Variants in PDE10A observed in about 807,000 individuals in gnomAD.
PDE10A encodes the protein phosphodiesterase 10A.
Under a neutral mutation model 97.7 loss-of-function variants are expected in PDE10A, and 39 were observed. The observed-to-expected ratio is 0.40, with a 90% CI of 0.31 to 0.52. The LOEUF (loss-of-function observed/expected upper bound fraction) is 0.52, where lower values mean the gene tolerates loss of function less well. Among genes scored for constraint, PDE10A ranks in the 20% least tolerant of loss-of-function variants. The probability of loss-of-function intolerance (pLI) is 0.56; values close to 1 mark genes in which losing one functional copy is unlikely to be tolerated. For synonymous variants in PDE10A, 371 were observed against 376.8 expected, an observed-to-expected ratio of 0.98 and a Z score of 0.18; for missense variants, 731 against 1,047.8, an observed-to-expected ratio of 0.70 and a Z score of 4.17.
At chr6:165,641,072 G>A (rs1789107332) in intron 1 of PDE10A, among the ~76,000 whole-genome samples, 1 of 152,188 alleles carries the variant, frequency 6.6e-6, no homozygotes, top group African/African-American at 2.4e-5. Context: ...CAACATGGCT[G>A]TCTGCTTCAC....
intron 1 of PDE10A, among the ~76,000 whole-genome samples, chr6:165,832,513 T>C (rs914947760): frequency 1.8e-4 from 27 of 152,138 alleles, no homozygotes; most frequent in Admixed American, 1.6e-3. Context: ...TGGAAGCACA[T>C]TTGTCAGGAG....
intron 1 of PDE10A, among the ~76,000 whole-genome samples, chr6:165,980,193 C>A (rs1784970761): frequency 6.6e-6 from 1 of 152,192 alleles, no homozygotes; most frequent in African/African-American, 2.4e-5. Flanking sequence ...TACCAAATAT[C>A]CCAACTTGGG....
chr6:165,867,139 T>C (rs1312264560), intron 1 of PDE10A, among the ~76,000 whole-genome samples: 1 of 150,468 alleles, frequency 6.6e-6, no homozygotes, highest in African/African-American at 2.4e-5. Flanking sequence ...CAGAAAATAA[T>C]TAAGAAAGTG....
chr6:165,771,195 C>T (rs989863566), intron 1 of PDE10A, among the ~76,000 whole-genome samples: 6 of 152,184 alleles, frequency 3.9e-5, no homozygotes, highest in East Asian at 1.9e-4. Context: ...GAGAGCCTAC[C>T]GTGGGCGCTA....
At chr6:165,652,086 A>G (rs970443588) in intron 1 of PDE10A, among the ~76,000 whole-genome samples, 3 of 152,212 alleles carry the variant, frequency 2.0e-5, no homozygotes, top group African/African-American at 7.2e-5. Context: ...AAAATTAGAT[A>G]TATTTAACCC....
Position 165,930,005 on chromosome 6 carries a change from C to A in PDE10A, c.-615+57524G>T, listed in dbSNP as rs575899955. Among the ~76,000 whole-genome samples, 13 of 150,290 alleles carry A rather than the reference C, an allele frequency of 8.6e-5. 1 individual carries two copies. The South Asian group carries it at 2.8e-3, about 32-fold the overall frequency. On this transcript the variant is annotated intron_variant, in intron 1 of 19. Coordinates refer to the PDE10A transcript ENST00000366882. Reference sequence around the variant, plus strand: ...GAAGGCGGCAGGTGGGAAGAGAGTGCTCCCTAATGACCAGGCACATATCAC... The same window carrying A: ...GAAGGCGGCAGGTGGGAAGAGAGTGATCCCTAATGACCAGGCACATATCAC...
intron 1 of PDE10A, chr6:165,780,784 T>C (rs1778321893): frequency 6.6e-6 from 1 of 152,346 alleles, no homozygotes; most frequent in Non-Finnish European, 1.5e-5. Context: ...TCTCAACGCT[T>C]TTTCTTCATG....
chr6:165,357,231 T>C (rs1783084588), intron 18 of PDE10A, among the ~76,000 whole-genome samples: 1 of 152,196 alleles, frequency 6.6e-6, no homozygotes, highest in Non-Finnish European at 1.5e-5. Flanking sequence ...TGTTATGACA[T>C]ATGATCTTGT....
chr6:165,607,267 A>G (rs1445174065), intron 1 of PDE10A, among the ~76,000 whole-genome samples: 7 of 152,254 alleles, frequency 4.6e-5, no homozygotes, highest in African/African-American at 1.7e-4. Flanking sequence ...AGCCATGCAC[A>G]GCGTAATGAT....
chr6:165,671,736 T>C lies in PDE10A; in HGVS notation c.-614-128168A>G. The stretch of plus-strand genomic sequence containing the variant: ...CATATATATAGTGTGCTTTATATCA[T>C]ATATATGTGTGTGTTTACATATATA... On this transcript the variant is annotated intron_variant, in intron 1 of 19. Coordinates refer to the PDE10A transcript ENST00000366882. The surrounding 1 kb of genome is among the most constrained non-coding windows in gnomAD (Gnocchi z 4.6). 6.6e-6 allele frequency among the ~76,000 whole-genome samples: 1 copy of C among 152,214 alleles called. No individual in the cohort carries two copies. The highest frequency in any genetic ancestry group is 1.9e-4 in the East Asian group (1 of 5,196).
chr6:165,904,346 C>T lies in PDE10A; in HGVS notation c.-615+83183G>A, dbSNP rs373525014. On this transcript the variant is annotated intron_variant, in intron 1 of 19. Coordinates refer to the PDE10A transcript ENST00000366882. ...ACCTCCATGGGTCTGGATGGGCCTA[C>T]ATTGGGAAAGAGACAAGGAAGTCTC... is the stretch of plus-strand genomic sequence containing the variant. Among the ~76,000 whole-genome samples, 5 of 152,148 alleles carry T rather than the reference C, an allele frequency of 3.3e-5. No individual in the cohort carries two copies. In the South Asian group the frequency reaches 1.0e-3, roughly 32 times the overall value.
intron 3 of PDE10A, among the ~76,000 whole-genome samples, chr6:165,473,225 A>G (rs966237141): frequency 1.3e-5 from 2 of 152,246 alleles, no homozygotes; most frequent in Non-Finnish European, 2.9e-5. Context: ...CATTGTAATT[A>G]TTACCAAGTA....
intron 1 of PDE10A, among the ~76,000 whole-genome samples, chr6:165,737,706 G>A (rs1792613291): frequency 6.6e-6 from 1 of 152,150 alleles, no homozygotes; most frequent in South Asian, 2.1e-4. Context: ...ACACTTAGTG[G>A]TGAAAAGCAG....
chr6:165,621,239 T>C (rs971322123), intron 1 of PDE10A, among the ~76,000 whole-genome samples: 1 of 140,776 alleles, frequency 7.1e-6, no homozygotes, highest in Non-Finnish European at 1.5e-5. Context: ...AAAACATTTA[T>C]AGAACTAAAA....
intron 18 of PDE10A, among the ~76,000 whole-genome samples, chr6:165,358,876 T>G: frequency 6.6e-6 from 1 of 151,742 alleles, no homozygotes; most frequent in African/African-American, 2.4e-5. Context: ...AGGGAAACTG[T>G]AAAAAGAGCA....
intron 1 of PDE10A, among the ~76,000 whole-genome samples, chr6:165,582,536 A>C (rs1226115858): frequency 3.9e-5 from 6 of 152,148 alleles, no homozygotes; most frequent in Non-Finnish European, 7.4e-5. Context: ...CACAATGAAA[A>C]AACCACTGAA....
rs533404238 is a variant in PDE10A, at chr6:165,749,897, G to A, written c.-614-206329C>T. On this transcript the variant is annotated intron_variant, in intron 1 of 19. Coordinates refer to the PDE10A transcript ENST00000366882. ...CTCACAGTTCTTGAGGTTACATGGA[G>A]TAACTTTTCTCTCACATAACTTTTG... is the stretch of plus-strand genomic sequence containing the variant. 3.3e-5 allele frequency among the ~76,000 whole-genome samples: 5 copies of A among 152,334 alleles called. No homozygotes were observed. The South Asian group carries it at 6.2e-4, about 19-fold the overall frequency.
intron 1 of PDE10A, among the ~76,000 whole-genome samples, chr6:165,751,975 TAA>T (rs956000600): frequency 6.7e-6 from 1 of 149,066 alleles, no homozygotes; most frequent in Non-Finnish European, 1.5e-5. Flanking sequence ...CCATGTCTAC[TAA>T]AAAAAAAGTG....
chr6:165,423,527 T>C (rs1257942327), intron 10 of PDE10A, among the ~76,000 whole-genome samples: 2 of 152,068 alleles, frequency 1.3e-5, no homozygotes, highest in African/African-American at 2.4e-5. Flanking sequence ...CATCAACCTA[T>C]TGAGAAGCAC....
Sources: allele counts gnomAD v4.1 joint callset (sites outside exome capture counted in the v4.1 genomes callset), GRCh38; gene constraint gnomAD v4.1.1; non-coding constraint Gnocchi (gnomAD v3.1); transcripts MANE v1.5; gene names NCBI Gene and HGNC (gene_info 2026-07-23, HGNC 2026-07-21).